The following SIPA1L1 variants were observed in gnomAD, a reference collection of about 807,000 sequenced individuals.
SIPA1L1 encodes signal-induced proliferation-associated 1-like protein 1.
In SIPA1L1, 26 loss-of-function variants were observed where a neutral mutation model predicts 162.7. That is an observed-to-expected ratio of 0.16 (90% CI 0.12 to 0.22). The LOEUF is 0.22. SIPA1L1 is among the 10% of genes least tolerant of loss of function. The probability of loss-of-function intolerance (pLI) is 1.00; values close to 1 mark genes in which losing one functional copy is unlikely to be tolerated. For missense variants in SIPA1L1, 1,874 were observed against 2,241.0 expected, an observed-to-expected ratio of 0.84 and a Z score of 3.31; for synonymous variants, 829 against 837.4, an observed-to-expected ratio of 0.99 and a Z score of 0.17.
At chr14:71,486,358 T>C (rs1475232488) in intron 2 of SIPA1L1, among the ~76,000 whole-genome samples, 1 of 152,224 alleles carries the variant, frequency 6.6e-6, no homozygotes, top group Non-Finnish European at 1.5e-5. Context: ...GCCTTTTGGG[T>C]GTAAGGCCTT....
chr14:71,637,074 C>A, intron 7 of SIPA1L1, among the ~76,000 whole-genome samples: 1 of 146,016 alleles, frequency 6.8e-6, no homozygotes. Context: ...AAAACAGCTA[C>A]ATCTTTGGGG....
chr14:71,333,487 A>C (rs1313575530), intron 2 of SIPA1L1, among the ~76,000 whole-genome samples: 1 of 152,224 alleles, frequency 6.6e-6, no homozygotes, highest in African/African-American at 2.4e-5. Flanking sequence ...AGATTCAGTT[A>C]TGCAAAGTAA....
At chr14:71,491,412 T>A (rs1336494991) in intron 2 of SIPA1L1, among the ~76,000 whole-genome samples, 1 of 152,158 alleles carries the variant, frequency 6.6e-6, no homozygotes, top group Non-Finnish European at 1.5e-5. Flanking sequence ...GTACTTATCT[T>A]CATGGAACTT....
chr14:71,499,164 A>C (rs571000510), intron 2 of SIPA1L1, among the ~76,000 whole-genome samples: 1 of 152,268 alleles, frequency 6.6e-6, no homozygotes, highest in South Asian at 2.1e-4. Flanking sequence ...ATAAAACTTG[A>C]TTAGTAGATT....
At chr14:71,711,549 G>A (rs150560887) in intron 17 of SIPA1L1, among the ~76,000 whole-genome samples, 12 of 152,342 alleles carry the variant, frequency 7.9e-5, no homozygotes, top group Middle Eastern at 3.4e-3. Flanking sequence ...GATGGCAGAA[G>A]AAAGTTGGTT....
rs1233088906 is a variant in SIPA1L1, at chr14:71,650,546, TC to T, written c.1993+42del. Reference sequence around the variant, plus strand: ...TTACACCCTCCTACTAGGCTTATTTTCCCCCTGTTGTGCTGTTGTGCATCTG... The same window carrying T: ...TTACACCCTCCTACTAGGCTTATTTTCCCCTGTTGTGCTGTTGTGCATCTG... On this transcript the variant is annotated intron_variant, in intron 8 of 23. Coordinates refer to ENST00000381232, the MANE Select transcript of SIPA1L1 (RefSeq NM_001386936.1). 3.8e-6 allele frequency: 6 copies of T among 1,597,696 alleles called. No individual in the cohort carries two copies. The African/African-American group carries it at 4.0e-5, about 11-fold the overall frequency.
chr14:71,683,469 T>G (rs1277375189), intron 12 of SIPA1L1, among the ~76,000 whole-genome samples: 1 of 152,206 alleles, frequency 6.6e-6, no homozygotes, highest in Non-Finnish European at 1.5e-5. Context: ...CAATATTCCT[T>G]TGGTAAAATG....
chr14:71,539,189 T>A (rs560686487), intron 4 of SIPA1L1, among the ~76,000 whole-genome samples: 20 of 152,302 alleles, frequency 1.3e-4, no homozygotes, highest in Middle Eastern at 3.4e-3. Context: ...TCCTTCCTGC[T>A]CCTTGGCCCG....
intron 4 of SIPA1L1, among the ~76,000 whole-genome samples, chr14:71,549,153 A>G (rs1042545063): frequency 2.0e-5 from 3 of 152,180 alleles, no homozygotes; most frequent in African/African-American, 7.2e-5. Context: ...GCGTTTTTCA[A>G]GGGTGACCTT....
intron 5 of SIPA1L1, among the ~76,000 whole-genome samples, chr14:71,590,033 AAAAAAAAAAAAATATATATATAT>A (rs2035103403): frequency 1.4e-5 from 1 of 72,298 alleles, no homozygotes; most frequent in East Asian, 4.6e-4. Flanking sequence ...AAAAAAAAAA[AAAAAAAAAAAAATATATATATAT>A]ATATATATAT....
At chr14:71,552,783 G>A (rs975293414) in intron 4 of SIPA1L1, among the ~76,000 whole-genome samples, 4 of 152,124 alleles carry the variant, frequency 2.6e-5, no homozygotes, top group Non-Finnish European at 5.9e-5. Context: ...AGTCTGTGGG[G>A]ACTACCGAGT....
At chr14:71,700,098 T>C (rs1361065803) in intron 14 of SIPA1L1, among the ~76,000 whole-genome samples, 1 of 152,064 alleles carries the variant, frequency 6.6e-6, no homozygotes, top group South Asian at 2.1e-4. Context: ...AGAAATGAAA[T>C]TAAAAGTTCA....
intron 5 of SIPA1L1, among the ~76,000 whole-genome samples, chr14:71,592,907 T>G (rs543369060): frequency 6.6e-6 from 1 of 152,340 alleles, no homozygotes; most frequent in East Asian, 1.9e-4. Flanking sequence ...CAGTCCTTTC[T>G]CATGCCCACT....
chr14:71,584,134 A>G (rs953345711), intron 4 of SIPA1L1, among the ~76,000 whole-genome samples: 1 of 152,202 alleles, frequency 6.6e-6, no homozygotes, highest in African/African-American at 2.4e-5. Context: ...CACCTTTTCA[A>G]TGGACCCCAA....
chr14:71,485,814 A>G (rs868433238), intron 2 of SIPA1L1, among the ~76,000 whole-genome samples: 1 of 152,170 alleles, frequency 6.6e-6, no homozygotes, highest in Non-Finnish European at 1.5e-5. Context: ...TTTAGGGCAT[A>G]GACCCCCAAA....
intron 4 of SIPA1L1, among the ~76,000 whole-genome samples, chr14:71,544,409 C>T (rs1275664132): frequency 6.6e-6 from 1 of 151,358 alleles, no homozygotes; most frequent in African/African-American, 2.4e-5. Flanking sequence ...GAATACTTTT[C>T]CTTGTCTGTA....
intron 9 of SIPA1L1, 64 bp downstream of exon 9, chr14:71,658,500 G>T: frequency 9.4e-7 from 1 of 1,066,340 alleles, no homozygotes; most frequent in Non-Finnish European, 1.5e-6. Context: ...AGCCTAAGTG[G>T]CAAGTTTGTA....
intron 2 of SIPA1L1, among the ~76,000 whole-genome samples, chr14:71,335,025 C>T (rs753617678): frequency 2.0e-5 from 3 of 152,150 alleles, no homozygotes; most frequent in Non-Finnish European, 2.9e-5. Flanking sequence ...CTTGGCTGGG[C>T]GTGGTGGCTC....
intron 9 of SIPA1L1, among the ~76,000 whole-genome samples, chr14:71,660,394 T>A (rs1250350371): frequency 6.6e-6 from 1 of 152,136 alleles, no homozygotes; most frequent in African/African-American, 2.4e-5. Flanking sequence ...TAACTCCCAA[T>A]TTGCAACCCT....
Sources: allele counts gnomAD v4.1 joint callset (sites outside exome capture counted in the v4.1 genomes callset), GRCh38; gene constraint gnomAD v4.1.1; transcripts MANE v1.5; gene names NCBI Gene and HGNC (gene_info 2026-07-23, HGNC 2026-07-21).